Variants in NDUFS5 observed in about 807,000 individuals in gnomAD.
NDUFS5 encodes the protein NADH dehydrogenase [ubiquinone] iron-sulfur protein 5.
NDUFS5 carries 7 observed loss-of-function variants against 10.5 expected under a neutral mutation model. That is an observed-to-expected ratio of 0.66 (90% CI 0.38 to 1.25). The LOEUF (loss-of-function observed/expected upper bound fraction) is 1.25, where lower values mean the gene tolerates loss of function less well. Among genes scored for constraint, NDUFS5 ranks in the 50% most tolerant of loss-of-function variants. The probability of loss-of-function intolerance (pLI) is 0.02; values close to 1 mark genes in which losing one functional copy is unlikely to be tolerated. For missense variants in NDUFS5, 148 were observed against 140.7 expected (o/e 1.05, Z -0.26); for synonymous variants, 38 against 44.0 (o/e 0.86, Z 0.54).
In NDUFS5 at chr1:39,026,403, G is replaced by A. The variant is rs113090393; in HGVS notation, c.-3+1G>A. On this transcript the variant is annotated splice_donor_variant, in intron 1 of 2. Transcript: ENST00000372969. LOFTEE classifies it low-confidence loss of function (5UTR_SPLICE). ...AGTCAAGGGCACGAGCATCGGGTAG[G>A]TAGGGGCTGCTTATGTCCGCGCGGC... The A allele has an allele frequency of 6.6e-6, 1 of 152,232 alleles. No individual in the cohort carries two copies. The highest frequency in any genetic ancestry group is 2.1e-4 in the South Asian group (1 of 4,832). The allele number at this position is 152,232 out of a possible 1,614,324, so 9.4% of individuals were successfully genotyped here.
At chr1:39,032,376 G>T (rs920370536) in intron 2 of NDUFS5, among the ~76,000 whole-genome samples, 1 of 152,180 alleles carries the variant, frequency 6.6e-6, no homozygotes, top group African/African-American at 2.4e-5. Flanking sequence ...CTAGTCTTGT[G>T]TTGGGAGACT....
intron 2 of NDUFS5, among the ~76,000 whole-genome samples, chr1:39,029,387 C>T (rs1644175108): frequency 1.3e-5 from 2 of 152,122 alleles, no homozygotes; most frequent in Admixed American, 6.6e-5. Flanking sequence ...AATACCTTTC[C>T]TACTTTGGTA....
intron 2 of NDUFS5, among the ~76,000 whole-genome samples, chr1:39,033,619 A>G (rs946048030): frequency 8.9e-5 from 13 of 145,952 alleles, no homozygotes; most frequent in African/African-American, 2.8e-4. Context: ...CTCCTGCCTC[A>G]GCCTCCTGAG....
chr1:39,033,397 C>G (rs532301208), intron 2 of NDUFS5, among the ~76,000 whole-genome samples: 7 of 151,724 alleles, frequency 4.6e-5, no homozygotes, highest in African/African-American at 1.7e-4. Context: ...CATGGTGAAA[C>G]CCCATCTCTA....
intron 2 of NDUFS5, among the ~76,000 whole-genome samples, chr1:39,031,902 A>T (rs1423514201): frequency 6.6e-6 from 1 of 152,190 alleles, no homozygotes; most frequent in Non-Finnish European, 1.5e-5. Context: ...TTACACAGTT[A>T]AAAATTTAAC....
At chr1:39,028,024 T>G (rs1350974438) in intron 1 of NDUFS5, among the ~76,000 whole-genome samples, 1 of 148,420 alleles carries the variant, frequency 6.7e-6, no homozygotes, top group African/African-American at 2.4e-5. Flanking sequence ...TTCACCATAT[T>G]GGCCAGGCTG....
At chr1:39,032,866 A>C (rs780345053) in intron 2 of NDUFS5, among the ~76,000 whole-genome samples, 20 of 149,380 alleles carry the variant, frequency 1.3e-4, no homozygotes, top group Non-Finnish European at 2.4e-4. Context: ...AGCAAGTGCA[A>C]AGGTCCCTGA....
chr1:39,026,421 C>A lies in NDUFS5; in HGVS notation c.-3+19C>A, dbSNP rs1183889310. ...CGGGTAGGTAGGGGCTGCTTATGTC[C>A]GCGCGGCAGCTTAGCTTAAGGACCT... On this transcript the variant is annotated intron_variant, in intron 1 of 2. Coordinates refer to ENST00000372969, the MANE Select transcript of NDUFS5 (RefSeq NM_004552.3). 6.6e-6 allele frequency: 1 copy of A among 152,180 alleles called. No homozygotes were observed. The highest frequency in any genetic ancestry group is 2.1e-4 in the South Asian group (1 of 4,834). 9.4% of individuals were successfully genotyped at this position (152,180 alleles called of 1,614,324 possible).
intron 2 of NDUFS5, among the ~76,000 whole-genome samples, chr1:39,033,556 C>T (rs1644207216): frequency 6.9e-6 from 1 of 144,482 alleles, no homozygotes; most frequent in Non-Finnish European, 1.5e-5. Context: ...GGCTGGAGTA[C>T]AGTAGCGCGA....
rs776540164 is a variant in NDUFS5, at chr1:39,027,811, C to CTTT, written c.-2-910_-2-909insTTT. Among the ~76,000 whole-genome samples, 113 of 58,634 alleles carry CTTT rather than the reference C, an allele frequency of 1.9e-3. 14 individuals are homozygous for CTTT. Among genetic ancestry groups the CTTT allele is most frequent in the African/African-American group, 7.3e-3 (104 of 14,200 alleles). 38.5% of individuals were successfully genotyped at this position (58,634 alleles called of 152,430 possible). On this transcript the variant is annotated intron_variant, in intron 1 of 2. Coordinates refer to ENST00000372969, the MANE Select transcript of NDUFS5 (RefSeq NM_004552.3). Reference sequence around the variant, plus strand: ...GGATCCAAATTCTTTTTTTCTTCTTCTTCTTTTTTTTTTTTTTTTTTTTTT... The same window carrying CTTT: ...GGATCCAAATTCTTTTTTTCTTCTTCTTTTTCTTTTTTTTTTTTTTTTTTTTTT...
At chr1:39,028,242 G>A (rs1302211848) in intron 1 of NDUFS5, among the ~76,000 whole-genome samples, 8 of 151,626 alleles carry the variant, frequency 5.3e-5, no homozygotes, top group African/African-American at 1.5e-4. Context: ...GACCAGCCTC[G>A]CCAACATGCT....
intron 2 of NDUFS5, among the ~76,000 whole-genome samples, chr1:39,031,906 A>G (rs548156647): frequency 1.9e-4 from 29 of 152,198 alleles, no homozygotes; most frequent in Middle Eastern, 3.4e-3. Flanking sequence ...ACAGTTAAAA[A>G]TTTAACTTTG....
At chr1:39,029,207 G>A (rs1022826191) in intron 2 of NDUFS5, among the ~76,000 whole-genome samples, 6 of 151,916 alleles carry the variant, frequency 3.9e-5, no homozygotes, top group Non-Finnish European at 7.4e-5. Flanking sequence ...TGGCCAGGCT[G>A]GTCTTGAACT....
At position 39,028,801 on chromosome 1, in the gene NDUFS5, C is replaced by T. The variant is rs1010942643; in HGVS notation, c.77C>T (p.Pro26Leu). 6.2e-7 allele frequency: 1 copy of T among 1,614,000 alleles called. No homozygotes were observed. Among genetic ancestry groups the T allele is most frequent in the Non-Finnish European group, 8.5e-7 (1 of 1,180,014 alleles). ...RWLTIQSGEQ[P>L]YKMAGRCHAF... ...TTGACAATCCAGAGTGGTGAACAGC[C>T]CTACAAGATGGCTGGTCGATGCCAT... Residue 26 changes from proline to leucine, a missense_variant, in exon 2 of 3, where the codon CCC (proline) becomes CTC (leucine). By Grantham distance (98) the Pro-to-Leu change is moderately conservative. Coordinates refer to ENST00000372969, the MANE Select transcript of NDUFS5 (RefSeq NM_004552.3).
At chr1:39,029,850 T>C (rs1232733821) in intron 2 of NDUFS5, among the ~76,000 whole-genome samples, 3 of 152,136 alleles carry the variant, frequency 2.0e-5, no homozygotes, top group Non-Finnish European at 4.4e-5. Context: ...CCCAGGACTT[T>C]GGGAGGCTGA....
chr1:39,034,244 C>T, intron 2 of NDUFS5, 148 bp from the exon 3 acceptor site: 1 of 666,758 alleles, frequency 1.5e-6, no homozygotes, highest in East Asian at 3.1e-5. Context: ...CATGTTAATT[C>T]TTTAAAGGCG....
At chr1:39,026,717 C>T (rs1644151212) in intron 1 of NDUFS5, among the ~76,000 whole-genome samples, 1 of 152,242 alleles carries the variant, frequency 6.6e-6, no homozygotes, top group Non-Finnish European at 1.5e-5. Context: ...CCGCCGGCCT[C>T]CTGAGCTCAT....
At position 39,028,919 on chromosome 1, in the gene NDUFS5, G is replaced by A. The variant is rs749523338; in HGVS notation, c.195G>A (p.Glu65=). The stretch of plus-strand genomic sequence containing the variant: ...AGATAGAATATGATGATTTCGTAGA[G>A]TGTTTGCTTCGGCAGAAAACGGTAA... ...ECKIEYDDFV[E]CLLRQKTMRR... Residue 65 remains glutamate, a synonymous_variant, in exon 2 of 3, where the codon GAG becomes GAA. Transcript: ENST00000372969. 1 of 1,613,778 alleles carries A rather than the reference G, an allele frequency of 6.2e-7. No individual in the cohort carries two copies. The highest frequency in any genetic ancestry group is 8.5e-7 in the Non-Finnish European group (1 of 1,179,836).
At chr1:39,030,191 G>A (rs1171170996) in intron 2 of NDUFS5, among the ~76,000 whole-genome samples, 2 of 151,630 alleles carry the variant, frequency 1.3e-5, no homozygotes, top group Non-Finnish European at 2.9e-5. Flanking sequence ...GATCACCTGA[G>A]GTCAGGAGTT....
Sources: gnomAD v4.1 joint callset for allele counts (sites outside exome capture counted in the v4.1 genomes callset) on GRCh38, gnomAD v4.1.1 for gene constraint, MANE v1.5 for transcripts, NCBI Gene and HGNC (gene_info 2026-07-23, HGNC 2026-07-21) for gene names.